MLPH: variants seen among roughly 807,000 people sequenced by gnomAD.
MLPH encodes exophilin-3.
Under a neutral mutation model 72.1 loss-of-function variants are expected in MLPH, and 51 were observed. The ratio of observed to expected loss-of-function variants is 0.71; its 90% CI spans 0.56 to 0.89. The LOEUF (loss-of-function observed/expected upper bound fraction) is 0.89, where lower values mean the gene tolerates loss of function less well. Ranked by LOEUF, MLPH falls within the 40% of genes least tolerant of loss-of-function variation. MLPH has a pLI of 0.00. For missense variants in MLPH, 743 were observed against 759.9 expected (o/e 0.98, Z 0.26); for synonymous variants, 301 against 310.1 (o/e 0.97, Z 0.31).
intron 1 of MLPH, among the ~76,000 whole-genome samples, chr2:237,492,323 G>C (rs1574827693): frequency 2.6e-5 from 4 of 151,966 alleles, no homozygotes; most frequent in African/African-American, 9.7e-5. Flanking sequence ...GCATTGGGTG[G>C]GGCCGCTGCT....
rs1574861316 is a variant in MLPH at position 237,518,068 on chromosome 2, G to A, written c.446-471G>A. 4 of 291,358 alleles carry A rather than the reference G, an allele frequency of 1.4e-5. No homozygotes were observed. The East Asian group carries it at 3.6e-4, about 26-fold the overall frequency. 18.0% of individuals were successfully genotyped at this position (291,358 alleles called of 1,614,324 possible). On this transcript the variant is annotated intron_variant, in intron 4 of 15. Coordinates refer to ENST00000264605, the MANE Select transcript of MLPH (RefSeq NM_024101.7). Reference sequence around the variant, plus strand: ...TGAGTGGATGAGCCACTGATTGATTGGGTAGATGGATGTATAGATGGATTG... The same window carrying A: ...TGAGTGGATGAGCCACTGATTGATTAGGTAGATGGATGTATAGATGGATTG...
intron 4 of MLPH, chr2:237,518,288 T>A: frequency 1.7e-6 from 1 of 586,302 alleles, no homozygotes; most frequent in Non-Finnish European, 3.2e-6. Context: ...ATTGAGTAGG[T>A]GGATGAGTGG....
Position 237,540,787 on chromosome 2 carries a change from C to A in MLPH, c.1291-15C>A, listed in dbSNP as rs1362032143. 6.2e-7 allele frequency: 1 copy of A among 1,612,578 alleles called. No individual in the cohort carries two copies. The highest frequency in any genetic ancestry group is 8.5e-7 in the Non-Finnish European group (1 of 1,179,806). ...CCTCCTGCTGCTGGTCAGCCTCCGT[C>A]CTTCTCTTTCCTAGGTGGGCACGGC... On this transcript the variant is annotated splice_polypyrimidine_tract_variant and intron_variant, in intron 10 of 15. Coordinates refer to ENST00000264605, the MANE Select transcript of MLPH (RefSeq NM_024101.7).
At chr2:237,534,723 C>T (rs781672292) in intron 9 of MLPH, 76 bp downstream of exon 9, 135 of 1,174,020 alleles carry the variant, frequency 1.1e-4, no homozygotes, top group Non-Finnish European at 1.7e-4. Flanking sequence ...GTGACATGGG[C>T]TTTTGGGAGA....
At chr2:237,543,148 G>A (rs2080762081) in intron 12 of MLPH, among the ~76,000 whole-genome samples, 1 of 24,088 alleles carries the variant, frequency 4.2e-5, no homozygotes, top group Non-Finnish European at 7.0e-5. Flanking sequence ...GTGAGTAGGG[G>A]GACAGTGGTG....
In MLPH at chr2:237,512,026, G is replaced by A. The variant is rs1240979447; in HGVS notation, c.445+925G>A. On this transcript the variant is annotated intron_variant, in intron 4 of 15. Transcript: ENST00000264605. This position sits in a 1 kb window ranked among gnomAD's most constrained non-coding sequence, Gnocchi z 5.5. ...GGGTGGGACAGCCGCCACCAAGCCA[G>A]GTGTCTGGGGTCTCAGTGTCCTGGA... Among the ~76,000 whole-genome samples, 1 of 152,232 alleles carries A rather than the reference G, an allele frequency of 6.6e-6. No individual in the cohort carries two copies. Among genetic ancestry groups the A allele is most frequent in the Non-Finnish European group, 1.5e-5 (1 of 68,044 alleles).
chr2:237,497,562 A>G (rs2079560372), intron 2 of MLPH, among the ~76,000 whole-genome samples: 1 of 152,196 alleles, frequency 6.6e-6, no homozygotes, highest in Non-Finnish European at 1.5e-5. Context: ...CTCTGCTCAA[A>G]CCAGGTGGTG....
intron 14 of MLPH, among the ~76,000 whole-genome samples, chr2:237,550,013 G>A (rs2149162861): frequency 6.6e-6 from 1 of 152,288 alleles, no homozygotes; most frequent in South Asian, 2.1e-4. Context: ...GCAGACTTTG[G>A]CCATTTGTCA....
rs1255112090 is a variant in MLPH, at chr2:237,520,011, G to A, written c.657G>A (p.Glu219=). ...CCCTGCACCTGTCCTCAGTCCCTGA[G>A]GCCAGGGACAGCCCACAGGTCAGTG... The part of the protein sequence containing the change: ...GHSLHLSSVP[E]ARDSPQSLTD... The change falls in exon 6 of 16, where the codon GAG becomes GAA. Residue 219 remains glutamate, a synonymous_variant. Coordinates refer to ENST00000264605, the MANE Select transcript of MLPH (RefSeq NM_024101.7). 6.2e-7 allele frequency: 1 copy of A among 1,613,962 alleles called. No homozygotes were observed. Among genetic ancestry groups the A allele is most frequent in the South Asian group, 1.1e-5 (1 of 91,082 alleles).
intron 4 of MLPH, among the ~76,000 whole-genome samples, chr2:237,514,483 G>A (rs1014768889): frequency 6.6e-6 from 1 of 152,004 alleles, no homozygotes; most frequent in Non-Finnish European, 1.5e-5. Flanking sequence ...GGCTTTGGGA[G>A]AAAGGGATAC....
rs1024583190 is a variant in MLPH at position 237,554,711 on chromosome 2, G to C, written c.*1119G>C. 1.3e-5 allele frequency: 2 copies of C among 152,194 alleles called. No individual in the cohort carries two copies. The highest frequency in any genetic ancestry group is 4.8e-5 in the African/African-American group (2 of 41,460). 9.4% of individuals were successfully genotyped at this position (152,194 alleles called of 1,614,324 possible). Reference sequence around the variant, plus strand: ...TTAGAATCAAACAGTAGAGACAAGAGTCAAGCCTTGTGTCTTCAAGCATTG... The same window carrying C: ...TTAGAATCAAACAGTAGAGACAAGACTCAAGCCTTGTGTCTTCAAGCATTG... On this transcript the variant is annotated 3_prime_UTR_variant, in exon 16 of 16. Coordinates refer to ENST00000264605, the MANE Select transcript of MLPH (RefSeq NM_024101.7).
At chr2:237,537,995 C>T (rs968427614) in intron 9 of MLPH, among the ~76,000 whole-genome samples, 4 of 152,232 alleles carry the variant, frequency 2.6e-5, no homozygotes, top group Admixed American at 6.5e-5. Context: ...CGAGCAGGTG[C>T]ACGGGCAGAC....
chr2:237,487,602 C>A (rs543422714), intron 1 of MLPH, among the ~76,000 whole-genome samples, 165 bp downstream of exon 1: 20 of 152,372 alleles, frequency 1.3e-4, no homozygotes, highest in African/African-American at 4.3e-4. Flanking sequence ...CAGCGCGTTC[C>A]CAGCCACCCA....
chr2:237,527,623 C>T, intron 8 of MLPH, 107 bp downstream of exon 8: 1 of 1,414,238 alleles, frequency 7.1e-7, no homozygotes, highest in Non-Finnish European at 9.9e-7. Context: ...TACTTTCAAA[C>T]TATGAAATTG....
rs1297947416 is a variant in MLPH at position 237,512,266 on chromosome 2, G to A, written c.445+1165G>A. On this transcript the variant is annotated intron_variant, in intron 4 of 15. Transcript: ENST00000264605. The surrounding 1 kb of genome is among the most constrained non-coding windows in gnomAD (Gnocchi z 5.5). ...CTCAAGTTTGATTGAAGAAGCAGAA[G>A]TTGGCATAGACACCTTTGAGCATTC... Among the ~76,000 whole-genome samples the A allele has an allele frequency of 6.6e-6, 1 of 152,198 alleles. No individual in the cohort carries two copies. The highest frequency in any genetic ancestry group is 1.5e-5 in the Non-Finnish European group (1 of 68,036).
intron 1 of MLPH, among the ~76,000 whole-genome samples, chr2:237,493,173 A>G (rs143669885): frequency 2.6e-5 from 4 of 152,280 alleles, no homozygotes; most frequent in Admixed American, 6.5e-5. Context: ...TGTGTTTGGG[A>G]GAGTAGGAAG....
At chr2:237,513,596 G>A (rs771795242) in intron 4 of MLPH, among the ~76,000 whole-genome samples, 34 of 152,226 alleles carry the variant, frequency 2.2e-4, no homozygotes, top group Admixed American at 3.9e-4. Flanking sequence ...TGATCAGATA[G>A]GTAGGATAAT....
At position 237,553,645 on chromosome 2, in the gene MLPH, G is replaced by C. The variant is rs1574922070; in HGVS notation, c.*53G>C. 1.2e-6 allele frequency: 2 copies of C among 1,613,428 alleles called. No homozygotes were observed. The highest frequency in any genetic ancestry group is 2.7e-5 in the African/African-American group (2 of 75,058). On this transcript the variant is annotated 3_prime_UTR_variant, in exon 16 of 16. Transcript: ENST00000264605. ...CCTGCACTGTTTTCCCTCCACCACA[G>C]CCATCCTGTCCCTCATTGGCTCTGT...
rs1229808509 is a variant in MLPH at position 237,540,528 on chromosome 2, C to A, written c.1285C>A (p.Pro429Thr). The change falls in exon 10 of 16, where the codon CCG becomes ACG. Residue 429 changes from proline to threonine, a missense_variant. Physicochemically the swap from Pro to Thr is conservative, Grantham distance 38. Transcript: ENST00000264605. ...KSVGPLPQADPEVGTAAHQTN... is the reference protein window; with the variant it reads ...KSVGPLPQADTEVGTAAHQTN... ...AGTTGGGCCTCTCCCCCAGGCGGAC[C>A]CGGAGGTAAGACTATCCCCCAGAGG... The A allele has an allele frequency of 1.9e-6, 3 of 1,610,612 alleles. No individual in the cohort carries two copies. Among genetic ancestry groups the A allele is most frequent in the Non-Finnish European group, 1.7e-6 (2 of 1,179,508 alleles).
Sources: allele counts gnomAD v4.1 joint callset (sites outside exome capture counted in the v4.1 genomes callset), GRCh38; gene constraint gnomAD v4.1.1; non-coding constraint Gnocchi (gnomAD v3.1); transcripts MANE v1.5; gene names NCBI Gene and HGNC (gene_info 2026-07-23, HGNC 2026-07-21).